ILKAP: variants seen among roughly 807,000 people sequenced by gnomAD.
The protein encoded by ILKAP is ILK associated serine/threonine phosphatase.
In ILKAP, 11 loss-of-function variants were observed where a neutral mutation model predicts 49.1. That is an observed-to-expected ratio of 0.22 (90% CI 0.14 to 0.37). The LOEUF (loss-of-function observed/expected upper bound fraction) is 0.37, where lower values mean the gene tolerates loss of function less well. Ranked by LOEUF, ILKAP falls within the 10% of genes least tolerant of loss-of-function variation. The pLI is 1.00. For synonymous variants in ILKAP, 186 were observed against 192.8 expected (o/e 0.96, Z 0.29); for missense variants, 363 against 510.8 (o/e 0.71, Z 2.79).
intron 9 of ILKAP, among the ~76,000 whole-genome samples, chr2:238,176,135 CTTTTTTT>C (rs55849458): frequency 1.0e-5 from 1 of 98,014 alleles, no homozygotes; most frequent in Admixed American, 1.4e-4. Context: ...CAAGTAGTGG[CTTTTTTT>C]TTTTTTTTTG....
chr2:238,185,224 A>T lies in ILKAP; in HGVS notation c.489T>A (p.Ala163=), dbSNP rs1218073126. The change falls in exon 6 of 12, where the codon GCT becomes GCA. Residue 163 remains alanine, a synonymous_variant. Transcript: ENST00000254654. ...TTAAGTTTTGATGCAAATTCTGTGC[A>T]GCAAATTTTGAGGCTCGAATTCCTC... ...GHGGIRASKF[A]AQNLHQNLIR... is the part of the protein sequence containing the mutation. 1 of 1,613,878 alleles carries T rather than the reference A, an allele frequency of 6.2e-7. No homozygotes were observed. The highest frequency in any genetic ancestry group is 8.5e-7 in the Non-Finnish European group (1 of 1,179,742).
At chr2:238,195,544 A>G (rs368097719) in intron 1 of ILKAP, among the ~76,000 whole-genome samples, 4 of 152,318 alleles carry the variant, frequency 2.6e-5, no homozygotes, top group African/African-American at 9.6e-5. Flanking sequence ...TTTATGCCCA[A>G]TTATCTTTTT....
chr2:238,182,122 T>C lies in ILKAP; in HGVS notation c.779A>G (p.His260Arg). 2.5e-6 allele frequency: 4 copies of C among 1,613,980 alleles called. No individual in the cohort carries two copies. Among genetic ancestry groups the C allele is most frequent in the South Asian group, 1.1e-5 (1 of 91,080 alleles). The change falls in exon 9 of 12, where the codon CAT (histidine) becomes CGT (arginine). Residue 260 changes from histidine (H) to arginine (R), a missense_variant. Coordinates refer to ENST00000254654, the MANE Select transcript of ILKAP (RefSeq NM_030768.3). The part of the protein sequence containing the change: ...KHAALSLSKE[H>R]NPTQYEERMR... ...CCGCTCTTCATACTGAGTTGGATTA[T>C]GCTCTTTGCTGAGGCTTAAGGCTGC... is the stretch of plus-strand genomic sequence containing the variant.
At chr2:238,173,756 C>T (rs41270753) in intron 9 of ILKAP, 103 bp from the exon 10 acceptor site, 1 of 1,298,380 alleles carries the variant, frequency 7.7e-7, no homozygotes, top group Non-Finnish European at 1.1e-6. Context: ...GTGAAAGATA[C>T]AGACTGTGGA....
At chr2:238,190,256 T>G (rs1256782925) in intron 3 of ILKAP, among the ~76,000 whole-genome samples, 1 of 152,208 alleles carries the variant, frequency 6.6e-6, no homozygotes, top group East Asian at 1.9e-4. Context: ...TGGTTTTTTT[T>G]GGCCTGTAGC....
rs984261589 is a variant in ILKAP at position 238,172,381 on chromosome 2, C to G, written c.956+1153G>C. Among the ~76,000 whole-genome samples, 4 of 152,210 alleles carry G rather than the reference C, an allele frequency of 2.6e-5. No individual in the cohort carries two copies. The South Asian group carries it at 8.3e-4, about 31-fold the overall frequency. ...TTCCTCGTTTAACTAGGCTTTCACTCGGCCGCTACTTGCCGAGCCTATCGT... is the reference window on the plus strand; with the variant it reads ...TTCCTCGTTTAACTAGGCTTTCACTGGGCCGCTACTTGCCGAGCCTATCGT... On this transcript the variant is annotated intron_variant, in intron 10 of 11. Transcript: ENST00000254654.
chr2:238,181,415 A>G (rs1693686799), intron 9 of ILKAP, among the ~76,000 whole-genome samples: 1 of 152,226 alleles, frequency 6.6e-6, no homozygotes, highest in Non-Finnish European at 1.5e-5. Context: ...ATAAAACCAG[A>G]GCAGACATAT....
At chr2:238,200,612 A>T (rs1343990225) in intron 1 of ILKAP, among the ~76,000 whole-genome samples, 2 of 152,210 alleles carry the variant, frequency 1.3e-5, no homozygotes, top group Non-Finnish European at 2.9e-5. Flanking sequence ...CTTGAGCCCC[A>T]GGAGTTCGAG....
At chr2:238,194,172 A>G (rs1694255261) in intron 3 of ILKAP, 103 bp downstream of exon 3, 1 of 950,582 alleles carries the variant, frequency 1.1e-6, no homozygotes, top group Non-Finnish European at 1.7e-6. Context: ...ATTATGACTT[A>G]ATGTCATCCA....
At chr2:238,192,132 G>A (rs1176568455) in intron 3 of ILKAP, among the ~76,000 whole-genome samples, 3 of 150,720 alleles carry the variant, frequency 2.0e-5, no homozygotes, top group East Asian at 1.9e-4. Context: ...ACTTGAACCC[G>A]GGAAGTAGAG....
At chr2:238,170,919 C>G (rs1199204927) in intron 11 of ILKAP, 24 bp downstream of exon 11, 8 of 1,601,576 alleles carry the variant, frequency 5.0e-6, no homozygotes. Context: ...GGGACAACCA[C>G]CACCCCCGTG....
intron 9 of ILKAP, among the ~76,000 whole-genome samples, chr2:238,174,365 A>G (rs1456373528): frequency 2.6e-5 from 4 of 152,242 alleles, no homozygotes; most frequent in Non-Finnish European, 5.9e-5. Context: ...ATTCTGGTCT[A>G]GGCTGCAGCA....
chr2:238,185,492 C>A, intron 5 of ILKAP: 1 of 478,288 alleles, frequency 2.1e-6, no homozygotes, highest in African/African-American at 2.0e-5. Context: ...AGCATTTTAT[C>A]TTTTTTTAAA....
Position 238,170,953 on chromosome 2 carries a change from G to A in ILKAP, c.1028C>T (p.Ser343Phe), listed in dbSNP as rs745838472. ...TPEEAVNFIL[S>F]CLEDEKIQTR... Reference sequence around the variant, plus strand: ...TGTGAGATTTCTCACCTCGAGACAGGACAAGATGAAGTTCACGGCTTCTTC... The same window carrying A: ...TGTGAGATTTCTCACCTCGAGACAGAACAAGATGAAGTTCACGGCTTCTTC... The change falls in exon 11 of 12, where the codon TCC becomes TTC. Residue 343 changes from serine to phenylalanine, a missense_variant. Around this residue, in one of 3 missense-constraint regions of ILKAP, gnomAD observed 83 missense variants for 87.5 expected, o/e 0.95. Transcript: ENST00000254654. The A allele has an allele frequency of 6.2e-7, 1 of 1,613,756 alleles. No homozygotes were observed. Among genetic ancestry groups the A allele is most frequent in the South Asian group, 1.1e-5 (1 of 91,060 alleles).
At chr2:238,190,108 G>T in intron 3 of ILKAP, 136 bp from the exon 4 acceptor site, 1 of 811,642 alleles carries the variant, frequency 1.2e-6, no homozygotes, top group Non-Finnish European at 1.8e-6. Context: ...GCAGACCCAG[G>T]AGTTGTGTCT....
At chr2:238,174,779 G>A (rs1362583137) in intron 9 of ILKAP, among the ~76,000 whole-genome samples, 1 of 152,190 alleles carries the variant, frequency 6.6e-6, no homozygotes, top group Non-Finnish European at 1.5e-5. Flanking sequence ...AGTGCACAGG[G>A]GAAGAGCTGA....
At position 238,184,046 on chromosome 2, in the gene ILKAP, T is replaced by C. The variant is rs1693802830; in HGVS notation, c.600A>G (p.Glu200=). The C allele has an allele frequency of 6.2e-7, 1 of 1,609,382 alleles. No homozygotes were observed. The highest frequency in any genetic ancestry group is 1.3e-5 in the African/African-American group (1 of 74,848). Residue 200 remains glutamate (E), a synonymous_variant, in exon 7 of 12, where the codon GAA becomes GAG. Coordinates refer to ENST00000254654, the MANE Select transcript of ILKAP (RefSeq NM_030768.3). ...CLLDTFKHTD[E]EFLKQASSQK... ...GGCTGGAAGCTTGTTTAAGGAACTC[T>C]TCATCAGTATGCTTGAAAGTGTCCA...
In ILKAP at chr2:238,194,850, G is replaced by A. The variant is rs1694279548; in HGVS notation, c.76C>T (p.Pro26Ser). The change falls in exon 2 of 12, where the codon CCC becomes TCC. Residue 26 changes from proline to serine, a missense_variant. Coordinates refer to ENST00000254654, the MANE Select transcript of ILKAP (RefSeq NM_030768.3). ...PAAGKEAQKGPLLFDDLPPAS... is the reference protein window; with the variant it reads ...PAAGKEAQKGSLLFDDLPPAS... ...GGAGGGAGGTCATCAAAGAGCAGGG[G>A]TCCTTTCTGAGCTTCTTTCCCTAAA... is the stretch of plus-strand genomic sequence containing the variant. 6.2e-7 allele frequency: 1 copy of A among 1,614,060 alleles called. No individual in the cohort carries two copies. Among genetic ancestry groups the A allele is most frequent in the African/African-American group, 1.3e-5 (1 of 75,034 alleles).
At position 238,200,431 on chromosome 2, in the gene ILKAP, T is replaced by C. The variant is rs562950185; in HGVS notation, c.55+3068A>G. Among the ~76,000 whole-genome samples, 21 of 152,346 alleles carry C rather than the reference T, an allele frequency of 1.4e-4. No homozygotes were observed. The South Asian group carries it at 1.9e-3, about 14-fold the overall frequency. ...AAGATCTAAACAAAATATTAATACA[T>C]TTGATGTGATATAAGCAGTGTAGTA... is the stretch of plus-strand genomic sequence containing the variant. On this transcript the variant is annotated intron_variant, in intron 1 of 11. Transcript: ENST00000254654.
Sources: gnomAD v4.1 joint callset for allele counts (sites outside exome capture counted in the v4.1 genomes callset) on GRCh38, gnomAD v4.1.1 for gene constraint, gnomAD v4.1.1 regional missense constraint, MANE v1.5 for transcripts, NCBI Gene and HGNC (gene_info 2026-07-23, HGNC 2026-07-21) for gene names.